Variants in ROBO2 observed in about 807,000 individuals in gnomAD.
ROBO2 encodes roundabout guidance receptor 2.
Under a neutral mutation model 160.8 loss-of-function variants are expected in ROBO2, and 53 were observed. The ratio of observed to expected loss-of-function variants is 0.33; its 90% CI spans 0.26 to 0.41. The LOEUF (loss-of-function observed/expected upper bound fraction) is 0.41, where lower values mean the gene tolerates loss of function less well. Among genes scored for constraint, ROBO2 ranks in the 10% least tolerant of loss-of-function variants. The probability of loss-of-function intolerance (pLI) is 1.00; values close to 1 mark genes in which losing one functional copy is unlikely to be tolerated. For missense variants in ROBO2, 1,577 were observed against 1,722.4 expected, an observed-to-expected ratio of 0.92 and a Z score of 1.49; for synonymous variants, 664 against 611.7, an observed-to-expected ratio of 1.09 and a Z score of -1.26.
At chr3:77,113,745 A>T (rs1171519453) in intron 2 of ROBO2, among the ~76,000 whole-genome samples, 1 of 152,236 alleles carries the variant, frequency 6.6e-6, no homozygotes, top group East Asian at 1.9e-4. Flanking sequence ...CACCCTATGC[A>T]TAAGAAAATC....
intron 2 of ROBO2, among the ~76,000 whole-genome samples, chr3:76,897,582 A>C (rs146366209): frequency 4.9e-4 from 75 of 152,306 alleles, no homozygotes; most frequent in African/African-American, 1.8e-3. Flanking sequence ...AGGGAAAAAA[A>C]GTACCTCAGT....
chr3:76,146,013 C>G (rs2071873341), intron 2 of ROBO2, among the ~76,000 whole-genome samples: 2 of 152,038 alleles, frequency 1.3e-5, no homozygotes, highest in South Asian at 4.1e-4. Flanking sequence ...TCCCGCTGTT[C>G]ATCAACTTTA....
intron 2 of ROBO2, among the ~76,000 whole-genome samples, chr3:76,149,304 GC>G (rs1456775638): frequency 1.2e-4 from 19 of 152,010 alleles, no homozygotes; most frequent in Admixed American, 9.8e-4. Flanking sequence ...TCCTACTTAA[GC>G]CCCAAACTTA....
At chr3:77,366,580 A>G (rs946225824) in intron 2 of ROBO2, among the ~76,000 whole-genome samples, 1 of 152,148 alleles carries the variant, frequency 6.6e-6, no homozygotes. Flanking sequence ...TTATGTTGCT[A>G]TAAAGGTATG....
chr3:76,957,734 G>A (rs1233383016), intron 2 of ROBO2, among the ~76,000 whole-genome samples: 1 of 151,866 alleles, frequency 6.6e-6, no homozygotes, highest in South Asian at 2.1e-4. Context: ...AGGAGGCTGA[G>A]GCAGGAGAAT....
chr3:76,712,118 C>T (rs1018893823), intron 2 of ROBO2, among the ~76,000 whole-genome samples: 3 of 152,134 alleles, frequency 2.0e-5, no homozygotes, highest in Non-Finnish European at 2.9e-5. Flanking sequence ...GAAAACACTT[C>T]TGTTTTTGCC....
intron 2 of ROBO2, among the ~76,000 whole-genome samples, chr3:76,419,750 G>A (rs1253189863): frequency 1.3e-5 from 2 of 152,078 alleles, no homozygotes; most frequent in African/African-American, 4.8e-5. Flanking sequence ...TTTATTAATA[G>A]TAATGGGAAT....
chr3:76,541,693 G>T (rs2082828933), intron 2 of ROBO2, among the ~76,000 whole-genome samples: 1 of 152,178 alleles, frequency 6.6e-6, no homozygotes, highest in Non-Finnish European at 1.5e-5. Context: ...GGTGATTTCA[G>T]ACCTGGTGTA....
At chr3:76,497,241 G>A (rs531313368) in intron 2 of ROBO2, among the ~76,000 whole-genome samples, 94 of 152,070 alleles carry the variant, frequency 6.2e-4, no homozygotes, top group Admixed American at 6.6e-5. Context: ...TCTCTCCCTC[G>A]CTGAAGTGCA....
chr3:75,922,060 G>A lies in ROBO2; in HGVS notation c.-14+15100G>A, dbSNP rs1013746585. On this transcript the variant is annotated intron_variant, in intron 1 of 26. Transcript: ENST00000487694. ...AGAACTGACTGTCATGCTTGAATTC[G>A]CATAATTTCATAATTAAATAATTTC... Among the ~76,000 whole-genome samples, 16 of 152,074 alleles carry A rather than the reference G, an allele frequency of 1.1e-4. No homozygotes were observed. In the South Asian group the frequency reaches 1.7e-3, roughly 16 times the overall value.
chr3:76,150,315 T>TTTTTAAAACACA (rs1430050782), intron 2 of ROBO2, among the ~76,000 whole-genome samples: 1 of 150,882 alleles, frequency 6.6e-6, no homozygotes. Flanking sequence ...AAAGCACACA[T>TTTTTAAAACACA]CATCTGTCTA....
intron 2 of ROBO2, among the ~76,000 whole-genome samples, chr3:76,724,666 C>T (rs2093519404): frequency 6.6e-6 from 1 of 152,098 alleles, no homozygotes; most frequent in Non-Finnish European, 1.5e-5. Flanking sequence ...TTCCAGCAGC[C>T]ACTTAAAATT....
At chr3:76,249,635 A>G (rs1705858754) in intron 2 of ROBO2, among the ~76,000 whole-genome samples, 2 of 152,140 alleles carry the variant, frequency 1.3e-5, no homozygotes, top group African/African-American at 4.8e-5. Context: ...ATGTTTGATG[A>G]GCGTGGTCAC....
chr3:76,259,212 G>C (rs561719216), intron 2 of ROBO2, among the ~76,000 whole-genome samples: 1 of 152,010 alleles, frequency 6.6e-6, no homozygotes, highest in African/African-American at 2.4e-5. Context: ...AGGAGAGAAA[G>C]TATGACATCA....
intron 2 of ROBO2, among the ~76,000 whole-genome samples, chr3:76,145,443 T>C (rs776813119): frequency 6.6e-6 from 1 of 152,024 alleles, no homozygotes; most frequent in Non-Finnish European, 1.5e-5. Flanking sequence ...AGGAGACAGG[T>C]CTGATTATAA....
At chr3:76,795,269 C>A (rs568387268) in intron 2 of ROBO2, among the ~76,000 whole-genome samples, 1 of 151,968 alleles carries the variant, frequency 6.6e-6, no homozygotes, top group East Asian at 1.9e-4. Flanking sequence ...TAATATTAGT[C>A]CCAATGAAGC....
rs1578443980 is a variant in ROBO2 at position 77,040,095 on chromosome 3, A to C, written c.-691A>C. The C allele has an allele frequency of 1.2e-6, 1 of 821,258 alleles. No homozygotes were observed. The highest frequency in any genetic ancestry group is 2.2e-5 in the African/African-American group (1 of 45,934). 50.9% of individuals were successfully genotyped at this position (821,258 alleles called of 1,614,324 possible). On this transcript the variant is annotated 5_prime_UTR_variant, in exon 1 of 26. Coordinates refer to ENST00000461745, the Ensembl canonical transcript of ROBO2. ...CCCTCGCTCCTTCCCTGCCTCCCTC[A>C]CCACGTAGGAGTTCGGATTCTCCAC... is the stretch of plus-strand genomic sequence containing the variant.
intron 2 of ROBO2, among the ~76,000 whole-genome samples, chr3:76,213,278 C>T (rs1207907865): frequency 6.6e-6 from 1 of 151,922 alleles, no homozygotes; most frequent in African/African-American, 2.4e-5. Context: ...TCTTGAAAAT[C>T]AGAGAAGAAA....
intron 2 of ROBO2, among the ~76,000 whole-genome samples, chr3:76,787,675 G>C (rs549915951): frequency 1.5e-4 from 23 of 151,530 alleles, no homozygotes; most frequent in African/African-American, 4.6e-4. Context: ...AAGTGACAAA[G>C]TTGTTAGCTC....
Sources: gnomAD v4.1 joint callset for allele counts (sites outside exome capture counted in the v4.1 genomes callset) on GRCh38, gnomAD v4.1.1 for gene constraint, MANE v1.5 for transcripts, NCBI Gene and HGNC (gene_info 2026-07-23, HGNC 2026-07-21) for gene names.